Variants in AUTS2 observed in about 807,000 individuals in gnomAD.
AUTS2 encodes the protein autism susceptibility gene 2 protein.
AUTS2 carries 17 observed loss-of-function variants against 112.4 expected under a neutral mutation model. The ratio of observed to expected loss-of-function variants is 0.15; its 90% CI spans 0.10 to 0.23. The LOEUF (loss-of-function observed/expected upper bound fraction) is 0.23. Ranked by LOEUF, AUTS2 falls within the 10% of genes least tolerant of loss-of-function variation. AUTS2 has a pLI of 1.00. For missense variants in AUTS2, 1,510 were observed against 1,701.6 expected (o/e 0.89, Z 1.98); for synonymous variants, 751 against 702.7 (o/e 1.07, Z -1.09).
intron 5 of AUTS2, among the ~76,000 whole-genome samples, chr7:70,591,688 C>G (rs1342049151): frequency 1.3e-5 from 2 of 152,194 alleles, no homozygotes; most frequent in Non-Finnish European, 2.9e-5. Flanking sequence ...CATGAGCCAC[C>G]CCGCCTGCCC....
At chr7:70,173,437 C>T (rs1322167767) in intron 4 of AUTS2, among the ~76,000 whole-genome samples, 2 of 151,760 alleles carry the variant, frequency 1.3e-5, no homozygotes, top group South Asian at 2.1e-4. Context: ...ATGAGCCATT[C>T]GCATTTTGTG....
intron 4 of AUTS2, among the ~76,000 whole-genome samples, chr7:70,329,641 A>G (rs1790653968): frequency 6.7e-6 from 1 of 149,216 alleles, no homozygotes; most frequent in Non-Finnish European, 1.5e-5. Context: ...TTGTCATTGA[A>G]TTGTAAGCAT....
At chr7:69,953,617 C>A (rs1299647848) in intron 2 of AUTS2, among the ~76,000 whole-genome samples, 1 of 152,180 alleles carries the variant, frequency 6.6e-6, no homozygotes, top group Admixed American at 6.6e-5. Flanking sequence ...GTTTATTTCC[C>A]ATTCATTGGA....
chr7:70,259,496 T>C (rs2129606878), intron 4 of AUTS2, among the ~76,000 whole-genome samples: 1 of 152,328 alleles, frequency 6.6e-6, no homozygotes, highest in Admixed American at 6.5e-5. Flanking sequence ...GAAGGGCCTC[T>C]GTGCATTCTG....
chr7:69,672,172 G>C (rs1796363113), intron 1 of AUTS2, among the ~76,000 whole-genome samples: 1 of 151,870 alleles, frequency 6.6e-6, no homozygotes, highest in African/African-American at 2.4e-5. Context: ...CAATTCTCCT[G>C]CCTCAGCCTC....
chr7:70,195,492 C>G (rs1810125176), intron 4 of AUTS2, among the ~76,000 whole-genome samples: 1 of 152,064 alleles, frequency 6.6e-6, no homozygotes, highest in Non-Finnish European at 1.5e-5. Flanking sequence ...ACTAAAAATA[C>G]AAAAGAAAAT....
At chr7:70,688,735 G>C in intron 5 of AUTS2, among the ~76,000 whole-genome samples, 1 of 152,160 alleles carries the variant, frequency 6.6e-6, no homozygotes, top group Admixed American at 6.6e-5. Flanking sequence ...GCTGCAAGAT[G>C]ACCCCGTGAG....
chr7:70,328,664 A>C (rs1790604377), intron 4 of AUTS2, among the ~76,000 whole-genome samples: 1 of 152,348 alleles, frequency 6.6e-6, no homozygotes, highest in Non-Finnish European at 1.5e-5. Flanking sequence ...GCAAGAGAGC[A>C]AATAAGCAAT....
intron 4 of AUTS2, among the ~76,000 whole-genome samples, chr7:70,238,166 C>T (rs1272809332): frequency 1.3e-5 from 2 of 152,194 alleles, no homozygotes; most frequent in Non-Finnish European, 2.9e-5. Flanking sequence ...AAGACTAAAT[C>T]TGAGCAGATC....
chr7:69,759,616 C>T (rs908137951), intron 1 of AUTS2, among the ~76,000 whole-genome samples: 3 of 152,078 alleles, frequency 2.0e-5, no homozygotes, highest in Admixed American at 6.6e-5. Context: ...TCACCCCTGA[C>T]TATTGCATGT....
chr7:70,433,003 G>C (rs947261970), intron 4 of AUTS2, among the ~76,000 whole-genome samples: 4 of 152,150 alleles, frequency 2.6e-5, no homozygotes, highest in African/African-American at 9.7e-5. Context: ...TTTTTAATCG[G>C]CTTGGCATCC....
At chr7:69,779,140 C>T (rs1348244308) in intron 1 of AUTS2, among the ~76,000 whole-genome samples, 1 of 149,232 alleles carries the variant, frequency 6.7e-6, no homozygotes, top group East Asian at 2.0e-4. Flanking sequence ...TGATCCGTCT[C>T]TGCCTCCCAA....
At chr7:69,991,545 T>C (rs1798742331) in intron 2 of AUTS2, among the ~76,000 whole-genome samples, 1 of 152,178 alleles carries the variant, frequency 6.6e-6, no homozygotes, top group Admixed American at 6.5e-5. Flanking sequence ...CCTTAAAATA[T>C]TTAAGGAAAG....
rs187457403 is a variant in AUTS2 at position 70,348,798 on chromosome 7, G to A, written c.661-86954G>A. 7.2e-3 allele frequency among the ~76,000 whole-genome samples: 1,094 copies of A among 152,278 alleles called. 6 individuals carry two copies. The highest frequency in any genetic ancestry group is 0.012 in the Non-Finnish European group (836 of 68,016). ...TGCACTCCAGCCTGGGCGACAGAGC[G>A]AGACTCCGTCTCAAAAAAACAAAAA... On this transcript the variant is annotated intron_variant, in intron 4 of 18. Coordinates refer to ENST00000342771, the MANE Select transcript of AUTS2 (RefSeq NM_015570.4).
At chr7:69,715,456 C>T (rs1192564744) in intron 1 of AUTS2, among the ~76,000 whole-genome samples, 1 of 152,130 alleles carries the variant, frequency 6.6e-6, no homozygotes, top group East Asian at 1.9e-4. Context: ...AGGATTCCCT[C>T]CAGATCCTTG....
chr7:70,489,768 C>T (rs543617996), intron 5 of AUTS2, among the ~76,000 whole-genome samples: 25 of 152,156 alleles, frequency 1.6e-4, no homozygotes, highest in African/African-American at 5.8e-4. Context: ...TTATGATGAT[C>T]GAATTCTGAC....
In AUTS2 at chr7:69,847,005, A is replaced by G. The variant is rs538051648; in HGVS notation, c.310-52281A>G. Among the ~76,000 whole-genome samples the G allele has an allele frequency of 2.6e-5, 4 of 152,302 alleles. No homozygotes were observed. The South Asian group carries it at 8.3e-4, about 32-fold the overall frequency. On this transcript the variant is annotated intron_variant, in intron 1 of 18. Transcript: ENST00000342771. ...TTGAGGCAGGACTAGAATCTAGGCA[A>G]TCTAGTAGCACAGCCCAGGCTCTTA... is the stretch of plus-strand genomic sequence containing the variant.
chr7:70,133,852 A>G (rs1344562133), intron 3 of AUTS2, among the ~76,000 whole-genome samples: 1 of 152,190 alleles, frequency 6.6e-6, no homozygotes, highest in African/African-American at 2.4e-5. Flanking sequence ...ACATTTTTAA[A>G]TTCCCTGTGT....
intron 5 of AUTS2, among the ~76,000 whole-genome samples, chr7:70,511,045 C>T (rs572766480): frequency 1.3e-5 from 2 of 152,132 alleles, no homozygotes; most frequent in South Asian, 2.1e-4. Context: ...GACGAGGTTT[C>T]GCCATGTTGG....
Sources: gnomAD v4.1 joint callset for allele counts (sites outside exome capture counted in the v4.1 genomes callset) on GRCh38, gnomAD v4.1.1 for gene constraint, MANE v1.5 for transcripts, NCBI Gene and HGNC (gene_info 2026-07-23, HGNC 2026-07-21) for gene names.